The following STK32B variants were observed in gnomAD, a reference collection of about 807,000 sequenced individuals.
The protein encoded by STK32B is serine/threonine kinase 32B.
STK32B carries 43 observed loss-of-function variants against 52.6 expected under a neutral mutation model. The ratio of observed to expected loss-of-function variants is 0.82; its 90% CI spans 0.64 to 1.05. The LOEUF is 1.05. STK32B is among the 50% of genes least tolerant of loss of function. The probability of loss-of-function intolerance (pLI) is 0.00; values close to 1 mark genes in which losing one functional copy is unlikely to be tolerated. For missense variants in STK32B, 621 were observed against 534.6 expected, an observed-to-expected ratio of 1.16 and a Z score of -1.59; for synonymous variants, 238 against 204.3, an observed-to-expected ratio of 1.17 and a Z score of -1.41.
chr4:5,356,000 G>A (rs534107162), intron 4 of STK32B, among the ~76,000 whole-genome samples: 105 of 152,144 alleles, frequency 6.9e-4, no homozygotes, highest in Admixed American at 9.2e-4. Context: ...ATGTACCCAG[G>A]AGGATGCCAC....
At chr4:5,485,844 G>T (rs1354104096) in intron 11 of STK32B, among the ~76,000 whole-genome samples, 7 of 152,194 alleles carry the variant, frequency 4.6e-5, no homozygotes, top group Non-Finnish European at 8.8e-5. Context: ...GAGTTTGCTG[G>T]AGGTCCACTC....
At chr4:5,269,194 T>C (rs535489074) in intron 3 of STK32B, among the ~76,000 whole-genome samples, 2 of 152,216 alleles carry the variant, frequency 1.3e-5, no homozygotes, top group South Asian at 2.1e-4. Flanking sequence ...AGTGGATGTG[T>C]GCGAGGACCA....
intron 1 of STK32B, among the ~76,000 whole-genome samples, chr4:5,074,076 C>G (rs1462600346): frequency 6.6e-6 from 1 of 151,972 alleles, no homozygotes; most frequent in East Asian, 1.9e-4. Context: ...ACACATCCCT[C>G]CCCCTTTTAT....
At chr4:5,284,838 G>C (rs1728444894) in intron 3 of STK32B, among the ~76,000 whole-genome samples, 1 of 152,108 alleles carries the variant, frequency 6.6e-6, no homozygotes, top group Non-Finnish European at 1.5e-5. Flanking sequence ...TTTTCATCAT[G>C]TTTAGTGCAA....
intron 4 of STK32B, among the ~76,000 whole-genome samples, chr4:5,363,531 C>G (rs1003936529): frequency 6.6e-6 from 1 of 152,104 alleles, no homozygotes; most frequent in Admixed American, 6.5e-5. Context: ...TGTCTTAGCT[C>G]AGTTACTAAG....
At chr4:5,433,176 A>G (rs73211193) in intron 6 of STK32B, among the ~76,000 whole-genome samples, 7 of 151,100 alleles carry the variant, frequency 4.6e-5, no homozygotes, top group African/African-American at 7.3e-5. Flanking sequence ...AGAGGATAGA[A>G]AGGAGGATAG....
intron 3 of STK32B, among the ~76,000 whole-genome samples, chr4:5,322,921 C>G (rs944267701): frequency 6.6e-6 from 1 of 152,186 alleles, no homozygotes; most frequent in African/African-American, 2.4e-5. Context: ...TTGTAAGCAG[C>G]CTCCAAGGCT....
At chr4:5,230,755 G>A (rs1724207373) in intron 3 of STK32B, among the ~76,000 whole-genome samples, 1 of 152,202 alleles carries the variant, frequency 6.6e-6, no homozygotes, top group African/African-American at 2.4e-5. Flanking sequence ...GCAGATGCTG[G>A]CATAGAGCAC....
chr4:5,253,448 C>T (rs1453476982), intron 3 of STK32B, among the ~76,000 whole-genome samples: 1 of 152,164 alleles, frequency 6.6e-6, no homozygotes, highest in Non-Finnish European at 1.5e-5. Context: ...GATCTCAGCT[C>T]ACCGCAACCT....
intron 1 of STK32B, among the ~76,000 whole-genome samples, chr4:5,096,638 CT>C (rs1713414742): frequency 6.6e-6 from 1 of 152,130 alleles, no homozygotes; most frequent in Non-Finnish European, 1.5e-5. Context: ...TTTTTCTTTG[CT>C]AATTCTTAAG....
intron 4 of STK32B, among the ~76,000 whole-genome samples, chr4:5,382,850 T>C (rs1736018326): frequency 6.6e-6 from 1 of 152,150 alleles, no homozygotes; most frequent in South Asian, 2.1e-4. Flanking sequence ...ACTTTACAGA[T>C]GAGGAAACTG....
At chr4:5,047,290 A>C (rs1741637716), upstream of STK32B, among the ~76,000 whole-genome samples, 1 of 151,856 alleles carries the variant, frequency 6.6e-6, no homozygotes, top group East Asian at 2.0e-4. Context: ...CTGAACAATG[A>C]GAACACATGG....
At chr4:5,230,216 G>C (rs1724165960) in intron 3 of STK32B, among the ~76,000 whole-genome samples, 1 of 89,576 alleles carries the variant, frequency 1.1e-5, no homozygotes, top group Non-Finnish European at 2.0e-5. Flanking sequence ...TTTTAGTGGA[G>C]TCTTGCACCG....
chr4:5,365,036 C>T (rs927862573), intron 4 of STK32B, among the ~76,000 whole-genome samples: 4 of 152,002 alleles, frequency 2.6e-5, no homozygotes, highest in Non-Finnish European at 4.4e-5. Flanking sequence ...CCACCACACC[C>T]GGCTAATTTT....
At chr4:5,420,903 TG>T (rs1418183582) in intron 6 of STK32B, among the ~76,000 whole-genome samples, 4 of 152,036 alleles carry the variant, frequency 2.6e-5, no homozygotes, top group Admixed American at 2.6e-4. Context: ...TGTTTTGTTT[TG>T]TTTTGTTTTT....
In STK32B at chr4:5,380,489, C is replaced by T. The variant is rs1471369204; in HGVS notation, c.435-17718C>T. 1.3e-5 allele frequency among the ~76,000 whole-genome samples: 2 copies of T among 152,122 alleles called. No individual in the cohort carries two copies. Among genetic ancestry groups the T allele is most frequent in the Non-Finnish European group, 2.9e-5 (2 of 68,016 alleles). ...TTGTTCACAGGACAAGAATCCTGTC[C>T]AAGCACCACACTAATGGGACCTTGA... On this transcript the variant is annotated intron_variant, in intron 4 of 11. Coordinates refer to ENST00000282908, the MANE Select transcript of STK32B (RefSeq NM_018401.3). This position sits in a 1 kb window ranked among gnomAD's most constrained non-coding sequence, Gnocchi z 4.3.
At chr4:5,427,036 GT>G (rs1160675434) in intron 6 of STK32B, 2 of 152,118 alleles carry the variant, frequency 1.3e-5, no homozygotes, top group African/African-American at 4.8e-5. Flanking sequence ...CAACTATAAG[GT>G]TTTTGCAGTT....
At chr4:5,284,712 C>T (rs1295409869) in intron 3 of STK32B, among the ~76,000 whole-genome samples, 1 of 152,112 alleles carries the variant, frequency 6.6e-6, no homozygotes, top group Non-Finnish European at 1.5e-5. Context: ...GCAGTGAGCC[C>T]AAGTGTTGCT....
At chr4:5,137,528 G>C (rs1716148238) in intron 1 of STK32B, among the ~76,000 whole-genome samples, 1 of 63,452 alleles carries the variant, frequency 1.6e-5, no homozygotes, top group African/African-American at 2.8e-5. Context: ...CCAACACAGA[G>C]CTAGCACTTT....
Sources: gnomAD v4.1 joint callset for allele counts (sites outside exome capture counted in the v4.1 genomes callset) on GRCh38, gnomAD v4.1.1 for gene constraint, Gnocchi (gnomAD v3.1) non-coding constraint, MANE v1.5 for transcripts, NCBI Gene and HGNC (gene_info 2026-07-23, HGNC 2026-07-21) for gene names.